Variants in ZFAND3 observed in about 807,000 individuals in gnomAD.
ZFAND3 encodes the protein AN1-type zinc finger protein 3.
In ZFAND3, 10 loss-of-function variants were observed where a neutral mutation model predicts 29.6. That is an observed-to-expected ratio of 0.34 (90% CI 0.21 to 0.57). The LOEUF is 0.57. ZFAND3 is among the 20% of genes least tolerant of loss of function. The pLI is 0.86. For synonymous variants in ZFAND3, 128 were observed against 112.6 expected (o/e 1.14, Z -0.87); for missense variants, 230 against 304.5 (o/e 0.76, Z 1.82).
chr6:38,009,785 T>TG (rs1763114495), intron 2 of ZFAND3, among the ~76,000 whole-genome samples: 1 of 152,232 alleles, frequency 6.6e-6, no homozygotes, highest in Non-Finnish European at 1.5e-5. Context: ...TGGTTACCGT[T>TG]GCATTTTAAG....
chr6:38,089,876 G>A (rs12214320), intron 4 of ZFAND3, among the ~76,000 whole-genome samples: 69,581 of 151,922 alleles, frequency 0.46, 16,633 homozygotes, highest in Non-Finnish European at 0.52. Flanking sequence ...GTTTTTGAGA[G>A]GGAGTCTCGG....
intron 2 of ZFAND3, among the ~76,000 whole-genome samples, chr6:37,938,428 C>T (rs1434926130): frequency 6.6e-6 from 1 of 152,182 alleles, no homozygotes; most frequent in Non-Finnish European, 1.5e-5. Flanking sequence ...ATTTATTTAT[C>T]TAGTCCCCTG....
chr6:38,015,629 A>G (rs745783775), intron 2 of ZFAND3, among the ~76,000 whole-genome samples: 5 of 152,232 alleles, frequency 3.3e-5, no homozygotes, highest in Non-Finnish European at 7.3e-5. Context: ...ATACATCTCA[A>G]AAACATGGTT....
At chr6:38,123,340 T>C (rs1330268238) in intron 5 of ZFAND3, among the ~76,000 whole-genome samples, 2 of 152,222 alleles carry the variant, frequency 1.3e-5, no homozygotes, top group African/African-American at 4.8e-5. Flanking sequence ...TTCACCAGCA[T>C]CAGAAATCAG....
intron 1 of ZFAND3, among the ~76,000 whole-genome samples, chr6:37,843,616 C>A (rs1043897380): frequency 6.6e-6 from 1 of 152,134 alleles, no homozygotes; most frequent in African/African-American, 2.4e-5. Context: ...GAGAACTATG[C>A]GGTCCACATT....
chr6:37,847,044 A>G (rs1309671274), intron 1 of ZFAND3, among the ~76,000 whole-genome samples: 1 of 152,072 alleles, frequency 6.6e-6, no homozygotes, highest in Non-Finnish European at 1.5e-5. Flanking sequence ...TAGGTTTTGC[A>G]TTTGAAGTTA....
At chr6:38,004,628 A>G (rs767886040) in intron 2 of ZFAND3, among the ~76,000 whole-genome samples, 2 of 152,008 alleles carry the variant, frequency 1.3e-5, no homozygotes, top group Admixed American at 6.6e-5. Context: ...TTATACTTTG[A>G]TCCTATATTT....
In ZFAND3 at chr6:38,152,786, C is replaced by G; in HGVS notation, c.*397C>G. On this transcript the variant is annotated 3_prime_UTR_variant, in exon 6 of 6. Coordinates refer to ENST00000287218, the MANE Select transcript of ZFAND3 (RefSeq NM_021943.3). ...GTTAAAGTTCCCACGACGCACATGGCTTTGCCAGAAACTCTGTTTAATGAT... is the reference window on the plus strand; with the variant it reads ...GTTAAAGTTCCCACGACGCACATGGGTTTGCCAGAAACTCTGTTTAATGAT... The G allele has an allele frequency of 1.0e-6, 1 of 990,640 alleles. No individual in the cohort carries two copies. The highest frequency in any genetic ancestry group is 1.2e-6 in the Non-Finnish European group (1 of 833,364). The allele number at this position is 990,640 out of a possible 1,614,324, so 61.4% of individuals were successfully genotyped here.
intron 1 of ZFAND3, among the ~76,000 whole-genome samples, chr6:37,917,949 A>T (rs989863743): frequency 2.6e-5 from 4 of 152,206 alleles, no homozygotes; most frequent in Non-Finnish European, 5.9e-5. Context: ...AATTTTTCTT[A>T]TATGTGCATA....
chr6:38,032,482 A>G (rs1462348766), intron 2 of ZFAND3, among the ~76,000 whole-genome samples: 1 of 152,238 alleles, frequency 6.6e-6, no homozygotes, highest in African/African-American at 2.4e-5. Context: ...AAGTGTCTTT[A>G]GTGTCAGAGC....
At chr6:37,907,344 A>G (rs1173564417) in intron 1 of ZFAND3, among the ~76,000 whole-genome samples, 3 of 152,146 alleles carry the variant, frequency 2.0e-5, no homozygotes, top group African/African-American at 4.8e-5. Flanking sequence ...ATGCAATATT[A>G]TAGCATTTCT....
intron 2 of ZFAND3, among the ~76,000 whole-genome samples, chr6:37,981,404 C>CT (rs1762577849): frequency 6.6e-6 from 1 of 152,076 alleles, no homozygotes; most frequent in Admixed American, 6.6e-5. Flanking sequence ...TGAATATTCT[C>CT]TTTTAAAAAT....
chr6:37,930,091 A>G (rs1761567214), intron 2 of ZFAND3, 92 bp downstream of exon 2: 2 of 1,264,048 alleles, frequency 1.6e-6, no homozygotes, highest in African/African-American at 1.5e-5. Flanking sequence ...TTTGACCCTA[A>G]AGGATTTATG....
chr6:37,981,361 T>G (rs1368226080), intron 2 of ZFAND3, among the ~76,000 whole-genome samples: 1 of 152,224 alleles, frequency 6.6e-6, no homozygotes. Context: ...CTGTTATCTT[T>G]GTTTCAGATT....
intron 2 of ZFAND3, among the ~76,000 whole-genome samples, chr6:37,975,329 C>T (rs934986051): frequency 6.6e-6 from 1 of 151,808 alleles, no homozygotes; most frequent in East Asian, 1.9e-4. Flanking sequence ...GGGTTTTTTT[C>T]TTTTGTTACT....
At chr6:37,883,450 G>GTTGCTGTTGC (rs1159476118) in intron 1 of ZFAND3, among the ~76,000 whole-genome samples, 39 of 147,168 alleles carry the variant, frequency 2.7e-4, no homozygotes, top group African/African-American at 5.6e-4. Context: ...AAAGTACCCA[G>GTTGCTGTTGC]ACTACAAATG....
intron 2 of ZFAND3, among the ~76,000 whole-genome samples, chr6:37,997,429 A>G (rs997522641): frequency 6.6e-6 from 1 of 152,234 alleles, no homozygotes; most frequent in African/African-American, 2.4e-5. Flanking sequence ...GATAAGAATT[A>G]TGATGGATTT....
intron 1 of ZFAND3, among the ~76,000 whole-genome samples, chr6:37,896,172 C>T (rs1362209953): frequency 6.6e-6 from 1 of 151,974 alleles, no homozygotes; most frequent in African/African-American, 2.4e-5. Context: ...TTATTTAAAC[C>T]TTTTTTCTTT....
chr6:37,951,481 G>A (rs1052431941), intron 2 of ZFAND3, among the ~76,000 whole-genome samples: 8 of 152,120 alleles, frequency 5.3e-5, no homozygotes, highest in Non-Finnish European at 1.0e-4. Flanking sequence ...TGTAATCCCT[G>A]CTACACAGGA....
Sources: gnomAD v4.1 joint callset for allele counts (sites outside exome capture counted in the v4.1 genomes callset) on GRCh38, gnomAD v4.1.1 for gene constraint, MANE v1.5 for transcripts, NCBI Gene and HGNC (gene_info 2026-07-23, HGNC 2026-07-21) for gene names.